Variants in PSG11 observed in about 807,000 individuals in gnomAD.
The protein encoded by PSG11 is pregnancy-specific beta-1-glycoprotein 11.
Under a neutral mutation model 36.0 loss-of-function variants are expected in PSG11, and 42 were observed. That is an observed-to-expected ratio of 1.17 (90% confidence interval 0.91 to 1.51). The LOEUF (loss-of-function observed/expected upper bound fraction) is 1.51, where lower values mean the gene tolerates loss of function less well. PSG11 is among the 40% of genes most tolerant of loss of function. The probability of loss-of-function intolerance (pLI) is 0.00; values close to 1 mark genes in which losing one functional copy is unlikely to be tolerated. For synonymous variants in PSG11, 206 were observed against 153.5 expected, an observed-to-expected ratio of 1.34 and a Z score of -2.53; for missense variants, 558 against 403.5, an observed-to-expected ratio of 1.38 and a Z score of -3.28.
At chr19:43,018,231 G>A (rs181558280) in intron 3 of PSG11, 6 of 179,692 alleles carry the variant, frequency 3.3e-5, no homozygotes, top group Admixed American at 2.2e-4. Flanking sequence ...GAACACTTGT[G>A]CTGATTGCTG....
At chr19:43,010,610 T>G in intron 4 of PSG11, 1 of 345,246 alleles carries the variant, frequency 2.9e-6, no homozygotes, top group Middle Eastern at 9.2e-4. Context: ...ACTCTTAGAA[T>G]TGCATTGGTA....
At chr19:43,018,216 A>G (rs1217228952) in intron 3 of PSG11, 1 of 167,656 alleles carries the variant, frequency 6.0e-6, no homozygotes, top group Non-Finnish European at 1.3e-5. Flanking sequence ...GATTTGGGGT[A>G]TGAAGAACAC....
In PSG11 at chr19:43,008,861, A is replaced by G. The variant is rs989817564; in HGVS notation, c.*41-819T>C. The stretch of plus-strand genomic sequence containing the variant: ...AGTTTTAAGTTCTACCTATTGCAAC[A>G]AGAGTTCTCCATCCTTGTTACATGT... On this transcript the variant is annotated intron_variant, in intron 5 of 5. Coordinates refer to ENST00000320078, the MANE Select transcript of PSG11 (RefSeq NM_002785.3). 7.3e-5 allele frequency among the ~76,000 whole-genome samples: 11 copies of G among 151,260 alleles called. 1 individual carries two copies. Among genetic ancestry groups the G allele is most frequent in the Non-Finnish European group, 1.3e-4 (9 of 67,876 alleles).
At chr19:43,023,651 A>G (rs1159029729) in intron 2 of PSG11, among the ~76,000 whole-genome samples, 1 of 151,212 alleles carries the variant, frequency 6.6e-6, no homozygotes, top group Non-Finnish European at 1.5e-5. Flanking sequence ...CTTGGAACCC[A>G]GTAAGCCCTC....
In PSG11 at chr19:43,016,928, A is replaced by G. The variant is rs188756464; in HGVS notation, c.710-1558T>C. Among the ~76,000 whole-genome samples the G allele has an allele frequency of 5.0e-3, 753 of 151,610 alleles. 18 individuals carry two copies. The highest frequency in any genetic ancestry group is 0.022 in the South Asian group (105 of 4,776). ...TGGAAATCTGGTCCTCATGGACCAT[A>G]TGTGTTTGATGGATATGAGACAAAT... On this transcript the variant is annotated intron_variant, in intron 3 of 5. Coordinates refer to ENST00000320078, the MANE Select transcript of PSG11 (RefSeq NM_002785.3).
At chr19:43,010,322 C>T in intron 4 of PSG11, 1 of 1,511,194 alleles carries the variant, frequency 6.6e-7, no homozygotes. Flanking sequence ...TTTTCTATGT[C>T]ATTGGAACTT....
chr19:43,008,991 T>C (rs752993856), intron 5 of PSG11, among the ~76,000 whole-genome samples: 6 of 151,000 alleles, frequency 4.0e-5, no homozygotes, highest in Non-Finnish European at 7.4e-5. Flanking sequence ...TTTAAAAATG[T>C]TTTCCAGTGA....
At chr19:43,023,428 T>A (rs1040422190) in intron 2 of PSG11, among the ~76,000 whole-genome samples, 1 of 150,830 alleles carries the variant, frequency 6.6e-6, no homozygotes, top group Non-Finnish European at 1.5e-5. Flanking sequence ...GACAGTGACA[T>A]GGACACTTTG....
chr19:43,008,882 C>T (rs912994363), intron 5 of PSG11, among the ~76,000 whole-genome samples: 2 of 151,178 alleles, frequency 1.3e-5, no homozygotes, highest in African/African-American at 2.4e-5. Flanking sequence ...ATCCTTGTTA[C>T]ATGTTAGTAG....
At position 43,018,663 on chromosome 19, in the gene PSG11, T is replaced by G. The variant is rs564685841; in HGVS notation, c.709+107A>C. ...AGTCATGGCCAGCTTTGATGTCCAG[T>G]GGTAAAGGTCTCTGTACTTGGACCT... On this transcript the variant is annotated intron_variant, in intron 3 of 5. Coordinates refer to ENST00000320078, the MANE Select transcript of PSG11 (RefSeq NM_002785.3). 2.5e-4 allele frequency: 394 copies of G among 1,602,114 alleles called. 12 individuals are homozygous for G. Among genetic ancestry groups the G allele is most frequent in the East Asian group, 1.8e-3 (80 of 44,604 alleles).
rs1230568478 is a variant in PSG11, at chr19:43,025,112, G to C, written c.65-56C>G. The C allele has an allele frequency of 1.3e-5, 20 of 1,566,704 alleles. No individual in the cohort carries two copies. The South Asian group carries it at 1.6e-4, about 12-fold the overall frequency. ...TGAGACCTATGTATTGGGGTGAAAA[G>C]ATGGGGCCCTGAGTCCTGAGAAGGT... On this transcript the variant is annotated intron_variant, in intron 1 of 5. Transcript: ENST00000320078.
Position 43,019,254 on chromosome 19 carries a change from A to G in PSG11, c.431-206T>C, listed in dbSNP as rs543513775. On this transcript the variant is annotated intron_variant, in intron 2 of 5. Coordinates refer to ENST00000320078, the MANE Select transcript of PSG11 (RefSeq NM_002785.3). The stretch of plus-strand genomic sequence containing the variant: ...TGCCTGCTTTATGTGGGAGAAGCAC[A>G]GACTTTCTCAGGTGTGAATTGAGCA... The G allele has an allele frequency of 5.5e-5, 63 of 1,136,238 alleles. 2 individuals are homozygous for G. The African/African-American group carries it at 9.7e-4, about 17-fold the overall frequency. 70.4% of individuals were successfully genotyped at this position (1,136,238 alleles called of 1,614,324 possible).
At chr19:43,008,671 A>G (rs935620643) in intron 5 of PSG11, among the ~76,000 whole-genome samples, 1 of 151,352 alleles carries the variant, frequency 6.6e-6, no homozygotes, top group Non-Finnish European at 1.5e-5. Flanking sequence ...ATATAATGTA[A>G]TATATAAAAT....
chr19:43,024,628 G>T (rs1967190672), intron 2 of PSG11, 63 bp downstream of exon 2: 3 of 1,607,590 alleles, frequency 1.9e-6, no homozygotes, highest in South Asian at 1.1e-5. Flanking sequence ...TGACAATCCT[G>T]TGTGTGTGAT....
chr19:43,022,283 C>T lies in PSG11; in HGVS notation c.430+2408G>A, dbSNP rs564858359. On this transcript the variant is annotated intron_variant, in intron 2 of 5. Transcript: ENST00000320078. ...AACGTGAGATTGGTCTTTTGAGATG[C>T]TTCTCATTCTTTTGCATTCTGGCAA... Among the ~76,000 whole-genome samples, 173 of 151,454 alleles carry T rather than the reference C, an allele frequency of 1.1e-3. 2 individuals carry two copies. The highest frequency in any genetic ancestry group is 3.8e-3 in the African/African-American group (158 of 41,124).
At chr19:43,011,178 G>T (rs2122785882) in intron 4 of PSG11, among the ~76,000 whole-genome samples, 1 of 151,246 alleles carries the variant, frequency 6.6e-6, no homozygotes, top group South Asian at 2.1e-4. Context: ...GCTGACATTG[G>T]TTCCTCTGTA....
At chr19:43,023,521 G>T (rs555235213) in intron 2 of PSG11, among the ~76,000 whole-genome samples, 1 of 151,244 alleles carries the variant, frequency 6.6e-6, no homozygotes, top group East Asian at 1.9e-4. Context: ...TGACTTTGAT[G>T]GTTGAAGCAG....
chr19:43,011,048 C>T (rs991840322), intron 4 of PSG11, among the ~76,000 whole-genome samples: 2 of 150,980 alleles, frequency 1.3e-5, no homozygotes, highest in African/African-American at 4.9e-5. Context: ...AATGAAAAGA[C>T]AGAAGCTTAG....
chr19:43,017,363 C>T (rs1451607956), intron 3 of PSG11: 1 of 151,428 alleles, frequency 6.6e-6, no homozygotes, highest in Non-Finnish European at 1.5e-5. Context: ...GATTAGTAGA[C>T]AAAAGTGGGA....
Sources: gnomAD v4.1 joint callset for allele counts (sites outside exome capture counted in the v4.1 genomes callset) on GRCh38, gnomAD v4.1.1 for gene constraint, MANE v1.5 for transcripts, NCBI Gene and HGNC (gene_info 2026-07-23, HGNC 2026-07-21) for gene names.